The following CCDC33 variants were observed in gnomAD, a reference collection of about 807,000 sequenced individuals.
CCDC33 encodes coiled-coil domain containing 33.
CCDC33 carries 94 observed loss-of-function variants against 91.9 expected under a neutral mutation model. The ratio of observed to expected loss-of-function variants is 1.02; its 90% CI spans 0.87 to 1.21. CCDC33 has a LOEUF of 1.21. Among genes scored for constraint, CCDC33 ranks in the 50% most tolerant of loss-of-function variants. CCDC33 has a pLI of 0.00. For missense variants in CCDC33, 940 were observed against 935.5 expected, an observed-to-expected ratio of 1.00 and a Z score of -0.06; for synonymous variants, 396 against 374.5, an observed-to-expected ratio of 1.06 and a Z score of -0.66.
At chr15:74,249,404 C>T (rs1046805283) in intron 2 of CCDC33, among the ~76,000 whole-genome samples, 4 of 151,892 alleles carry the variant, frequency 2.6e-5, no homozygotes, top group Admixed American at 2.0e-4. Context: ...AGGAGAATGG[C>T]GTAAATCCAG....
At position 74,331,084 on chromosome 15, in the gene CCDC33, T is replaced by G; in HGVS notation, c.1649T>G (p.Leu550Arg). The part of the protein sequence containing the change: ...YQGKLQKMKA[L>R]EETVRHQEKV... ...GGCAAGCTGCAGAAGATGAAGGCGC[T>G]GGAGGAGACTGTGCGGCACCAAGAG... Residue 550 changes from leucine (L) to arginine (R), a missense_variant, in exon 14 of 19, where the codon CTG becomes CGG. By Grantham distance (102) the Leu-to-Arg change is moderately radical. Coordinates refer to ENST00000398814, the MANE Select transcript of CCDC33 (RefSeq NM_025055.5). The G allele has an allele frequency of 6.2e-7, 1 of 1,613,558 alleles. No individual in the cohort carries two copies. Among genetic ancestry groups the G allele is most frequent in the Non-Finnish European group, 8.5e-7 (1 of 1,179,694 alleles).
At chr15:74,238,236 C>T (rs351177) in intron 1 of CCDC33, among the ~76,000 whole-genome samples, 25,523 of 151,844 alleles carry the variant, frequency 0.17, 3,327 homozygotes, top group African/African-American at 0.36. Context: ...GGTGAAACCC[C>T]GTCTGTACTA....
chr15:74,214,344 C>T (rs1450483846), upstream of CCDC33, among the ~76,000 whole-genome samples: 2 of 152,106 alleles, frequency 1.3e-5, no homozygotes, highest in Non-Finnish European at 2.9e-5. Flanking sequence ...CAAGGCTGCT[C>T]CCTTCCTGCC....
chr15:74,246,879 G>A (rs2075548244), intron 2 of CCDC33, among the ~76,000 whole-genome samples: 1 of 152,218 alleles, frequency 6.6e-6, no homozygotes, highest in Non-Finnish European at 1.5e-5. Flanking sequence ...GGGCGCAGTG[G>A]CTCACGCCTG....
At chr15:74,207,505 G>A (rs2074286148) in intron 1 of CCDC33, among the ~76,000 whole-genome samples, 1 of 152,176 alleles carries the variant, frequency 6.6e-6, no homozygotes, top group African/African-American at 2.4e-5. Flanking sequence ...TCAAAAGCCT[G>A]TGACCATTTG....
chr15:74,276,745 T>C (rs74023462), intron 7 of CCDC33, among the ~76,000 whole-genome samples: 8,709 of 152,260 alleles, frequency 0.057, 847 homozygotes, highest in African/African-American at 0.2. Context: ...CAGCTTGCTG[T>C]TCTCCACACC....
chr15:74,206,639 C>T (rs77512210), intron 1 of CCDC33, among the ~76,000 whole-genome samples: 7,932 of 152,160 alleles, frequency 0.052, 257 homozygotes, highest in East Asian at 0.16. Flanking sequence ...GCCTGAGGAG[C>T]GGGGAGGGAA....
At chr15:74,248,144 A>G (rs1380922135) in intron 2 of CCDC33, among the ~76,000 whole-genome samples, 1 of 152,134 alleles carries the variant, frequency 6.6e-6, no homozygotes, top group Non-Finnish European at 1.5e-5. Context: ...TTTTCACCAC[A>G]TACACGAAAG....
At chr15:74,284,524 C>A (rs351211) in intron 10 of CCDC33, among the ~76,000 whole-genome samples, 105,601 of 152,066 alleles carry the variant, frequency 0.69, 38,409 homozygotes, top group Non-Finnish European at 0.83. Flanking sequence ...GCAAACATTT[C>A]TGAAGCACCC....
chr15:74,282,841 C>T (rs952689974), intron 10 of CCDC33, among the ~76,000 whole-genome samples: 1 of 152,206 alleles, frequency 6.6e-6, no homozygotes, highest in Non-Finnish European at 1.5e-5. Context: ...CTGCAGTGCA[C>T]ATGCCAGGCA....
chr15:74,228,664 G>T, intron 2 of CCDC33, among the ~76,000 whole-genome samples: 1 of 152,352 alleles, frequency 6.6e-6, no homozygotes, highest in Middle Eastern at 3.4e-3. Flanking sequence ...TCACGGATGG[G>T]CATGGGAGCG....
At chr15:74,211,585 G>A (rs1188781446) in intron 2 of CCDC33, among the ~76,000 whole-genome samples, 1 of 151,976 alleles carries the variant, frequency 6.6e-6, no homozygotes, top group East Asian at 1.9e-4. Context: ...TGTATTTTTA[G>A]TAGAGATGAG....
chr15:74,220,760 C>G (rs1296543591), intron 2 of CCDC33, among the ~76,000 whole-genome samples: 1 of 152,200 alleles, frequency 6.6e-6, no homozygotes, highest in Non-Finnish European at 1.5e-5. Context: ...AAAATCGCTT[C>G]CCTGGGGGAG....
chr15:74,285,700 T>G (rs2059459478), intron 10 of CCDC33, among the ~76,000 whole-genome samples: 1 of 151,938 alleles, frequency 6.6e-6, no homozygotes, highest in Non-Finnish European at 1.5e-5. Context: ...GTTTGGAATA[T>G]TGCACTTGAA....
chr15:74,332,770 C>T lies in CCDC33; in HGVS notation c.1863C>T (p.Asn621=), dbSNP rs373661609. The T allele has an allele frequency of 3.5e-5, 57 of 1,614,098 alleles. No individual in the cohort carries two copies. The highest frequency in any genetic ancestry group is 4.7e-5 in the Non-Finnish European group (56 of 1,180,042). The change falls in exon 16 of 19, where the codon AAC becomes AAT. Residue 621 remains asparagine, a synonymous_variant. Coordinates refer to ENST00000398814, the MANE Select transcript of CCDC33 (RefSeq NM_025055.5). ...VELYSVLLAE[N]AKLRTELDKN... ...TTTACTCGGTGCTGCTGGCAGAAAACGCGAAGCTGCGGACGGAGCTGGATA... is the reference window on the plus strand; with the variant it reads ...TTTACTCGGTGCTGCTGGCAGAAAATGCGAAGCTGCGGACGGAGCTGGATA...
Position 74,281,632 on chromosome 15 carries a change from A to T in CCDC33, c.1024-146A>T, listed in dbSNP as rs2059365709. On this transcript the variant is annotated intron_variant, in intron 9 of 18. Coordinates refer to ENST00000398814, the MANE Select transcript of CCDC33 (RefSeq NM_025055.5). ...TGTGGAGGCAGTTTGCGAGGGCAAA[A>T]GCAGGAGGCCAGCTCCCACCTCCCT... 4.4e-6 allele frequency: 3 copies of T among 688,184 alleles called. No homozygotes were observed. In the South Asian group the frequency reaches 5.4e-5, roughly 12 times the overall value. The allele number at this position is 688,184 out of a possible 1,614,324, so 42.6% of individuals were successfully genotyped here. A position where few individuals can be genotyped will look rare whatever the true frequency, so the allele number is the denominator to read the frequency against.
chr15:74,217,208 G>C, exon 1 of CCDC33: 2 of 1,166,398 alleles, frequency 1.7e-6, no homozygotes, highest in African/African-American at 1.6e-5. Flanking sequence ...TTCAGACTGG[G>C]TCCAGGCTGG....
At chr15:74,320,250 T>C (rs996410255) in intron 11 of CCDC33, among the ~76,000 whole-genome samples, 1 of 152,156 alleles carries the variant, frequency 6.6e-6, no homozygotes, top group African/African-American at 2.4e-5. Flanking sequence ...CAGACAGACC[T>C]GTGTACTTTG....
chr15:74,324,375 T>C (rs2930300), intron 11 of CCDC33, among the ~76,000 whole-genome samples: 84,853 of 151,578 alleles, frequency 0.56, 25,011 homozygotes, highest in Non-Finnish European at 0.66. Context: ...CCTCACTCAC[T>C]TGCCAGTTCT....
Sources: allele counts gnomAD v4.1 joint callset (sites outside exome capture counted in the v4.1 genomes callset), GRCh38; gene constraint gnomAD v4.1.1; transcripts MANE v1.5; gene names NCBI Gene and HGNC (gene_info 2026-07-23, HGNC 2026-07-21).